The following SH3D19 variants were observed in gnomAD, a reference collection of about 807,000 sequenced individuals.
SH3D19 encodes the protein SH3 domain-containing protein 19.
In SH3D19, 58 loss-of-function variants were observed where a neutral mutation model predicts 112.1. That is an observed-to-expected ratio of 0.52 (90% CI 0.42 to 0.64). The LOEUF (loss-of-function observed/expected upper bound fraction) is 0.64, where lower values mean the gene tolerates loss of function less well. Ranked by LOEUF, SH3D19 falls within the 30% of genes least tolerant of loss-of-function variation. The pLI is 0.00. For missense variants in SH3D19, 1,090 were observed against 1,263.4 expected (o/e 0.86, Z 2.08); for synonymous variants, 391 against 448.5 (o/e 0.87, Z 1.62).
At chr4:151,299,224 T>C (rs943215408) in intron 1 of SH3D19, among the ~76,000 whole-genome samples, 7 of 152,206 alleles carry the variant, frequency 4.6e-5, no homozygotes, top group Non-Finnish European at 8.8e-5. Context: ...AAAATAGCAA[T>C]TGGTTGATCA....
chr4:151,164,721 A>G (rs577849917), intron 8 of SH3D19, among the ~76,000 whole-genome samples: 2 of 152,092 alleles, frequency 1.3e-5, no homozygotes, highest in African/African-American at 4.8e-5. Flanking sequence ...TTGGGACTAC[A>G]GGCGCGCAGC....
intron 1 of SH3D19, among the ~76,000 whole-genome samples, chr4:151,240,504 T>C (rs532462470): frequency 1.3e-5 from 2 of 152,070 alleles, no homozygotes; most frequent in South Asian, 2.1e-4. Context: ...AGTCTCACCA[T>C]TGACCAGATG....
intron 2 of SH3D19, among the ~76,000 whole-genome samples, chr4:151,216,552 G>C (rs1418068407): frequency 6.6e-6 from 1 of 152,166 alleles, no homozygotes; most frequent in Non-Finnish European, 1.5e-5. Flanking sequence ...AAGGGAAAGA[G>C]AGGAAAGAAT....
chr4:151,139,919 A>AT, intron 12 of SH3D19, 72 bp from the exon 13 acceptor site: 1 of 1,455,508 alleles, frequency 6.9e-7, no homozygotes, highest in Non-Finnish European at 9.5e-7. Context: ...CTCTGAGACC[A>AT]ATTTTTTTTT....
chr4:151,150,958 C>CTTTTT (rs10714871), intron 9 of SH3D19, among the ~76,000 whole-genome samples: 7 of 110,880 alleles, frequency 6.3e-5, no homozygotes, highest in African/African-American at 1.8e-4. Context: ...TCACAAAATT[C>CTTTTT]TTTTTTTTTT....
chr4:151,256,609 C>T (rs183194289), intron 1 of SH3D19, among the ~76,000 whole-genome samples: 152 of 151,266 alleles, frequency 1.0e-3, no homozygotes, highest in Non-Finnish European at 1.6e-3. Flanking sequence ...GTGCTTTTTA[C>T]AATGGGGAAA....
At chr4:151,191,041 G>C (rs1370468587) in intron 2 of SH3D19, among the ~76,000 whole-genome samples, 1 of 152,202 alleles carries the variant, frequency 6.6e-6, no homozygotes, top group Admixed American at 6.5e-5. Context: ...GATCGTTTTG[G>C]ACCTGGCGTC....
At chr4:151,185,366 T>C (rs944431530) in intron 3 of SH3D19, among the ~76,000 whole-genome samples, 1 of 152,182 alleles carries the variant, frequency 6.6e-6, no homozygotes, top group Admixed American at 6.5e-5. Context: ...CTATCCCTTC[T>C]CATCTTTCCT....
chr4:151,290,497 A>T (rs1775216134), intron 1 of SH3D19, among the ~76,000 whole-genome samples: 1 of 152,236 alleles, frequency 6.6e-6, no homozygotes, highest in Non-Finnish European at 1.5e-5. Context: ...AAATCCATAG[A>T]GGCAGAGAGT....
Position 151,159,356 on chromosome 4 carries a change from GA to G in SH3D19, c.1643-5del. ...CTTTGTGGATCCTCATGTAAACCTG[GA>G]AAAAGTAGCAGTAATTCATCAATAA... is the stretch of plus-strand genomic sequence containing the variant. On this transcript the variant is annotated splice_polypyrimidine_tract_variant and splice_region_variant and intron_variant, in intron 8 of 19. Transcript: ENST00000604030. The G allele has an allele frequency of 1.3e-6, 2 of 1,506,414 alleles. No individual in the cohort carries two copies. The highest frequency in any genetic ancestry group is 1.3e-5 in the South Asian group (1 of 79,062). The allele number at this position is 1,506,414 out of a possible 1,614,324, so 93.3% of individuals were successfully genotyped here.
At chr4:151,253,443 A>G (rs375311652) in intron 1 of SH3D19, among the ~76,000 whole-genome samples, 144 of 152,330 alleles carry the variant, frequency 9.5e-4, no homozygotes, top group Admixed American at 3.3e-3. Context: ...GCCTGTTATT[A>G]AACAAAGCAC....
chr4:151,290,983 T>C, intron 1 of SH3D19: 1 of 606,398 alleles, frequency 1.6e-6, no homozygotes, highest in Non-Finnish European at 2.9e-6. Context: ...AAGCAGTGAT[T>C]AGTCCAGCCC....
chr4:151,263,002 T>C (rs1003638393), intron 1 of SH3D19, among the ~76,000 whole-genome samples: 1 of 152,076 alleles, frequency 6.6e-6, no homozygotes, highest in Non-Finnish European at 1.5e-5. Flanking sequence ...CAGTTGAGAA[T>C]GAGAGAAAAA....
chr4:151,178,019 C>A (rs999989124), intron 4 of SH3D19, among the ~76,000 whole-genome samples: 2 of 152,296 alleles, frequency 1.3e-5, no homozygotes. Context: ...GCCTCGAGCT[C>A]CCCGCCCCTC....
intron 1 of SH3D19, among the ~76,000 whole-genome samples, chr4:151,239,411 T>C (rs1444313091): frequency 1.3e-5 from 2 of 151,790 alleles, no homozygotes; most frequent in African/African-American, 4.9e-5. Context: ...TGTGTTGTTT[T>C]TGTTTTTTTT....
At chr4:151,241,638 G>A (rs550504661) in intron 1 of SH3D19, among the ~76,000 whole-genome samples, 16 of 145,986 alleles carry the variant, frequency 1.1e-4, no homozygotes, top group South Asian at 8.3e-4. Context: ...CAAGTGATCC[G>A]CCCAACTTGG....
intron 1 of SH3D19, chr4:151,278,954 C>T (rs1276583635): frequency 4.6e-6 from 1 of 217,090 alleles, no homozygotes; most frequent in Non-Finnish European, 9.4e-6. Flanking sequence ...TTTCATTTGT[C>T]TATTGGTTCA....
chr4:151,202,788 A>G (rs1244039574), intron 2 of SH3D19, among the ~76,000 whole-genome samples: 1 of 152,162 alleles, frequency 6.6e-6, no homozygotes, highest in African/African-American at 2.4e-5. Flanking sequence ...TTAGGTAGCA[A>G]GTATTTATAT....
At chr4:151,268,542 T>G (rs1772987786) in intron 1 of SH3D19, among the ~76,000 whole-genome samples, 4 of 149,572 alleles carry the variant, frequency 2.7e-5, no homozygotes, top group Admixed American at 2.7e-4. Flanking sequence ...CTGCACCCAT[T>G]AACTCGTCAT....
Sources: allele counts gnomAD v4.1 joint callset (sites outside exome capture counted in the v4.1 genomes callset), GRCh38; gene constraint gnomAD v4.1.1; transcripts MANE v1.5; gene names NCBI Gene and HGNC (gene_info 2026-07-23, HGNC 2026-07-21).